Variants in TMEM132C observed in about 807,000 individuals in gnomAD.
The protein encoded by TMEM132C is transmembrane protein 132C, also known as protein phosphatase 1, regulatory subunit 152.
Under a neutral mutation model 61.4 loss-of-function variants are expected in TMEM132C, and 29 were observed. The ratio of observed to expected loss-of-function variants is 0.47; its 90% CI spans 0.35 to 0.64. The LOEUF (loss-of-function observed/expected upper bound fraction) is 0.64. TMEM132C is among the 30% of genes least tolerant of loss of function. The pLI is 0.00. For synonymous variants in TMEM132C, 656 were observed against 633.1 expected (o/e 1.04, Z -0.54); for missense variants, 1,408 against 1,476.9 (o/e 0.95, Z 0.76).
At chr12:128,496,711 G>C (rs1465571708) in intron 2 of TMEM132C, among the ~76,000 whole-genome samples, 2 of 152,126 alleles carry the variant, frequency 1.3e-5, no homozygotes, top group East Asian at 3.9e-4. Context: ...TCACTACACT[G>C]GTTATTCTAG....
chr12:128,463,460 A>C (rs1211670344), intron 2 of TMEM132C, among the ~76,000 whole-genome samples: 4 of 152,064 alleles, frequency 2.6e-5, no homozygotes, highest in Non-Finnish European at 4.4e-5. Context: ...CTGGGATTAC[A>C]GGCATGCACC....
In TMEM132C at chr12:128,600,376, A is replaced by G. The variant is rs566940866; in HGVS notation, c.1122-15776A>G. ...GAAGGACATGTTTACTTCTCCTTCC[A>G]CCATGATTGTAAGTTTCCTGAGGCC... is the stretch of plus-strand genomic sequence containing the variant. On this transcript the variant is annotated intron_variant, in intron 3 of 8. Coordinates refer to ENST00000435159, the MANE Select transcript of TMEM132C (RefSeq NM_001136103.3). 3.9e-5 allele frequency among the ~76,000 whole-genome samples: 6 copies of G among 152,268 alleles called. No individual in the cohort carries two copies. In the South Asian group the frequency reaches 1.2e-3, roughly 32 times the overall value.
intron 2 of TMEM132C, among the ~76,000 whole-genome samples, chr12:128,456,720 T>A (rs992241543): frequency 9.9e-5 from 15 of 152,150 alleles, no homozygotes; most frequent in Admixed American, 6.6e-5. Flanking sequence ...TGATTACTTT[T>A]GACAAAAGCA....
In TMEM132C at chr12:128,544,558, T is replaced by A. The variant is rs187818229; in HGVS notation, c.1121+455T>A. On this transcript the variant is annotated intron_variant, in intron 3 of 8. Coordinates refer to ENST00000435159, the MANE Select transcript of TMEM132C (RefSeq NM_001136103.3). ...TGCTATGTGAGATTCACTGTAGACA[T>A]CCTGGATGATTTTTTAAAATAATTG... is the stretch of plus-strand genomic sequence containing the variant. 9.2e-4 allele frequency among the ~76,000 whole-genome samples: 140 copies of A among 152,350 alleles called. 1 individual carries two copies. Among genetic ancestry groups the A allele is most frequent in the Non-Finnish European group, 1.7e-3 (119 of 68,034 alleles).
intron 1 of TMEM132C, among the ~76,000 whole-genome samples, chr12:128,289,521 G>C (rs1871191072): frequency 6.6e-6 from 1 of 152,164 alleles, no homozygotes. Flanking sequence ...CTGGTTTATA[G>C]GGGTGCAGCT....
At chr12:128,575,409 G>A (rs556548050) in intron 3 of TMEM132C, among the ~76,000 whole-genome samples, 111 of 152,264 alleles carry the variant, frequency 7.3e-4, no homozygotes, top group Non-Finnish European at 1.4e-3. Context: ...AACCCAGGAG[G>A]TGGAGGTTGC....
chr12:128,678,759 C>T (rs921603061), intron 5 of TMEM132C, among the ~76,000 whole-genome samples: 4 of 152,194 alleles, frequency 2.6e-5, no homozygotes, highest in South Asian at 2.1e-4. Flanking sequence ...GTACATCCTG[C>T]GATTCCAGGA....
intron 4 of TMEM132C, among the ~76,000 whole-genome samples, chr12:128,640,832 G>C (rs1475559966): frequency 6.6e-6 from 1 of 152,190 alleles, no homozygotes; most frequent in Non-Finnish European, 1.5e-5. Flanking sequence ...GCCGCAGTGA[G>C]CCATGATTAC....
intron 1 of TMEM132C, among the ~76,000 whole-genome samples, chr12:128,400,822 C>A (rs904131792): frequency 6.6e-6 from 1 of 151,986 alleles, no homozygotes; most frequent in Non-Finnish European, 1.5e-5. Flanking sequence ...GTTGGCCAGG[C>A]TGGTCTCAAA....
intron 2 of TMEM132C, among the ~76,000 whole-genome samples, chr12:128,464,865 C>A (rs1315244610): frequency 6.6e-6 from 1 of 151,330 alleles, no homozygotes; most frequent in African/African-American, 2.4e-5. Context: ...AGCAGACCTG[C>A]AAGGCTGTGT....
At chr12:128,513,336 G>C (rs1176515899) in intron 2 of TMEM132C, among the ~76,000 whole-genome samples, 2 of 152,148 alleles carry the variant, frequency 1.3e-5, no homozygotes, top group Non-Finnish European at 2.9e-5. Flanking sequence ...GGAAGAGTCA[G>C]GAGACAAGCT....
At chr12:128,461,743 A>T (rs1460803505) in intron 2 of TMEM132C, among the ~76,000 whole-genome samples, 2 of 152,090 alleles carry the variant, frequency 1.3e-5, no homozygotes, top group East Asian at 3.9e-4. Flanking sequence ...GATGTGTGTG[A>T]TAGTGGTGAT....
At chr12:128,704,968 A>G (rs946778294) in intron 8 of TMEM132C, 122 bp from the exon 9 acceptor site, 1 of 1,074,178 alleles carries the variant, frequency 9.3e-7, no homozygotes, top group Non-Finnish European at 1.3e-6. Context: ...CCCCAGATGC[A>G]TGAGCTACTG....
chr12:128,702,161 A>G (rs1195482268), intron 8 of TMEM132C, among the ~76,000 whole-genome samples: 1 of 151,952 alleles, frequency 6.6e-6, no homozygotes, highest in Non-Finnish European at 1.5e-5. Flanking sequence ...CGGCCTCCCA[A>G]AGTGCTGGGA....
At chr12:128,311,038 A>T (rs1450968039) in intron 1 of TMEM132C, among the ~76,000 whole-genome samples, 1 of 152,248 alleles carries the variant, frequency 6.6e-6, no homozygotes, top group Non-Finnish European at 1.5e-5. Context: ...AATAAATGAA[A>T]AAATTAAAAA....
chr12:128,328,148 T>G (rs1338811699), intron 1 of TMEM132C, among the ~76,000 whole-genome samples: 2 of 151,934 alleles, frequency 1.3e-5, no homozygotes, highest in Non-Finnish European at 2.9e-5. Context: ...TTTTACAGAG[T>G]GAGAAAGCGG....
chr12:128,332,651 T>C (rs1445951913), intron 1 of TMEM132C, among the ~76,000 whole-genome samples: 1 of 152,236 alleles, frequency 6.6e-6, no homozygotes, highest in Non-Finnish European at 1.5e-5. Flanking sequence ...GTCACCCTGA[T>C]ACCTGGGAGG....
intron 2 of TMEM132C, among the ~76,000 whole-genome samples, chr12:128,506,005 G>T (rs1872345604): frequency 6.6e-6 from 1 of 152,228 alleles, no homozygotes; most frequent in East Asian, 1.9e-4. Context: ...GACCATGGCG[G>T]CATAAATATG....
intron 4 of TMEM132C, among the ~76,000 whole-genome samples, chr12:128,617,838 T>G (rs1337704578): frequency 6.6e-6 from 1 of 152,180 alleles, no homozygotes; most frequent in Non-Finnish European, 1.5e-5. Flanking sequence ...GAAGGTATCA[T>G]CTACCATAAA....
Sources: allele counts gnomAD v4.1 joint callset (sites outside exome capture counted in the v4.1 genomes callset), GRCh38; gene constraint gnomAD v4.1.1; transcripts MANE v1.5; gene names NCBI Gene and HGNC (gene_info 2026-07-23, HGNC 2026-07-21).